Variants in C8orf34 observed in about 807,000 individuals in gnomAD.
C8orf34 encodes the protein chromosome 8 open reading frame 34, also known as uncharacterized protein C8orf34.
In C8orf34, 65 loss-of-function variants were observed where a neutral mutation model predicts 68.3. That is an observed-to-expected ratio of 0.95 (90% CI 0.78 to 1.17). The LOEUF (loss-of-function observed/expected upper bound fraction) is 1.17. C8orf34 is among the 50% of genes most tolerant of loss of function. The pLI is 0.00. For missense variants in C8orf34, 664 were observed against 655.4 expected (o/e 1.01, Z -0.14); for synonymous variants, 244 against 241.2 (o/e 1.01, Z -0.11).
chr8:68,464,270 C>T (rs1811998097), intron 3 of C8orf34, among the ~76,000 whole-genome samples: 1 of 152,050 alleles, frequency 6.6e-6, no homozygotes, highest in Non-Finnish European at 1.5e-5. Context: ...TCAAGGAGAA[C>T]TACAAACCAC....
rs367705268 is a variant in C8orf34, at chr8:68,505,789, C to T, written c.766-16010C>T. 1.5e-4 allele frequency among the ~76,000 whole-genome samples: 22 copies of T among 150,656 alleles called. No homozygotes were observed. The East Asian group carries it at 3.1e-3, about 21-fold the overall frequency. On this transcript the variant is annotated intron_variant, in intron 5 of 13. Coordinates refer to ENST00000518698, the MANE Select transcript of C8orf34 (RefSeq NM_052958.4). ...GCAACATGACTGGCTGAGAATCAGG[C>T]AAGGGAGAGGTATTGAAGTTAACTG... is the stretch of plus-strand genomic sequence containing the variant.
chr8:68,580,764 T>A (rs1374708959), intron 7 of C8orf34, among the ~76,000 whole-genome samples: 1 of 152,188 alleles, frequency 6.6e-6, no homozygotes, highest in Non-Finnish European at 1.5e-5. Context: ...TATAATATTC[T>A]CCAGAGAGAT....
At chr8:68,658,152 T>C (rs2130800337) in intron 8 of C8orf34, among the ~76,000 whole-genome samples, 1 of 152,310 alleles carries the variant, frequency 6.6e-6, no homozygotes, top group East Asian at 1.9e-4. Context: ...GGTTTTATCA[T>C]TTTTTAAAAA....
intron 7 of C8orf34, among the ~76,000 whole-genome samples, chr8:68,575,715 G>C (rs1280662991): frequency 6.6e-6 from 1 of 152,122 alleles, no homozygotes; most frequent in Non-Finnish European, 1.5e-5. Flanking sequence ...TGTTGAGAGT[G>C]AACAGGGCCA....
chr8:68,387,839 C>A (rs2676653), intron 1 of C8orf34, among the ~76,000 whole-genome samples: 12,157 of 152,146 alleles, frequency 0.08, 618 homozygotes, highest in Middle Eastern at 0.12. Context: ...GTGTTTTTTT[C>A]TTTATTTAGC....
At chr8:68,662,019 C>T (rs1819695050) in intron 8 of C8orf34, among the ~76,000 whole-genome samples, 1 of 152,008 alleles carries the variant, frequency 6.6e-6, no homozygotes, top group Non-Finnish European at 1.5e-5. Context: ...TAATTATATG[C>T]AAATACCTGG....
At chr8:68,472,536 A>G (rs1812426151) in intron 4 of C8orf34, among the ~76,000 whole-genome samples, 1 of 152,158 alleles carries the variant, frequency 6.6e-6, no homozygotes, top group Non-Finnish European at 1.5e-5. Flanking sequence ...AAAGAGGAAA[A>G]GATGCAACAA....
chr8:68,761,758 A>G (rs1823030326), intron 10 of C8orf34, among the ~76,000 whole-genome samples: 1 of 152,208 alleles, frequency 6.6e-6, no homozygotes, highest in African/African-American at 2.4e-5. Flanking sequence ...ATTTTGAAAT[A>G]GCTTTTTTAG....
At chr8:68,521,133 A>C (rs943464507) in intron 5 of C8orf34, among the ~76,000 whole-genome samples, 1 of 152,230 alleles carries the variant, frequency 6.6e-6, no homozygotes, top group African/African-American at 2.4e-5. Flanking sequence ...AACAAAATCT[A>C]GATTATAAGT....
intron 12 of C8orf34, among the ~76,000 whole-genome samples, chr8:68,810,690 G>A (rs569645531): frequency 1.3e-5 from 2 of 152,228 alleles, no homozygotes; most frequent in South Asian, 4.2e-4. Flanking sequence ...TGGAGTGCCA[G>A]GATAGCTCTC....
intron 5 of C8orf34, among the ~76,000 whole-genome samples, chr8:68,501,319 A>T (rs766810719): frequency 6.6e-6 from 1 of 152,172 alleles, no homozygotes; most frequent in Non-Finnish European, 1.5e-5. Context: ...TTCAGCCAGA[A>T]TAGGAAGGAG....
chr8:68,730,180 C>T (rs987663618), intron 10 of C8orf34, among the ~76,000 whole-genome samples: 1 of 152,058 alleles, frequency 6.6e-6, no homozygotes, highest in African/African-American at 2.4e-5. Flanking sequence ...TATAATCTCA[C>T]CAAATAGAAG....
At chr8:68,693,712 T>C (rs1346359381) in intron 8 of C8orf34, among the ~76,000 whole-genome samples, 2 of 152,102 alleles carry the variant, frequency 1.3e-5, no homozygotes, top group Non-Finnish European at 2.9e-5. Context: ...ATCTAACCAG[T>C]TGAGCCTGTG....
intron 7 of C8orf34, among the ~76,000 whole-genome samples, chr8:68,635,612 G>T (rs887845274): frequency 1.3e-5 from 2 of 152,148 alleles, no homozygotes; most frequent in Non-Finnish European, 2.9e-5. Context: ...GGGAAACTTA[G>T]ATTTGGATTA....
intron 1 of C8orf34, among the ~76,000 whole-genome samples, chr8:68,403,131 G>A (rs1347311127): frequency 1.3e-5 from 2 of 152,192 alleles, no homozygotes; most frequent in Non-Finnish European, 2.9e-5. Context: ...GGAGCTTTAT[G>A]ATGTTAAGTT....
intron 3 of C8orf34, among the ~76,000 whole-genome samples, chr8:68,464,163 G>A (rs1237418743): frequency 6.6e-6 from 1 of 152,040 alleles, no homozygotes; most frequent in Non-Finnish European, 1.5e-5. Flanking sequence ...CAAACCGAGA[G>A]CCAAATCATG....
At chr8:68,403,541 C>A (rs1226990983) in intron 1 of C8orf34, among the ~76,000 whole-genome samples, 2 of 152,212 alleles carry the variant, frequency 1.3e-5, no homozygotes, top group South Asian at 4.2e-4. Context: ...CCTAGCCCCC[C>A]ACCCCCTGAC....
chr8:68,656,230 A>G (rs1397518165), intron 8 of C8orf34, among the ~76,000 whole-genome samples: 1 of 152,220 alleles, frequency 6.6e-6, no homozygotes, highest in Non-Finnish European at 1.5e-5. Context: ...AATCCCAAGA[A>G]GTTGGTGAAG....
At chr8:68,565,640 T>G (rs533845457) in intron 7 of C8orf34, among the ~76,000 whole-genome samples, 1 of 151,928 alleles carries the variant, frequency 6.6e-6, no homozygotes, top group Non-Finnish European at 1.5e-5. Context: ...GCTGAGAGTT[T>G]TCTAACCTCA....
Sources: gnomAD v4.1 joint callset for allele counts (sites outside exome capture counted in the v4.1 genomes callset) on GRCh38, gnomAD v4.1.1 for gene constraint, MANE v1.5 for transcripts, NCBI Gene and HGNC (gene_info 2026-07-23, HGNC 2026-07-21) for gene names.